Variants in PRKG1 observed in about 807,000 individuals in gnomAD.
PRKG1 encodes protein kinase cGMP-dependent 1, also known as cGMP-dependent protein kinase 1.
A neutral mutation model predicts 88.1 loss-of-function variants in PRKG1; 35 were observed. The observed-to-expected ratio is 0.40, with a 90% CI of 0.30 to 0.53. PRKG1 has a LOEUF of 0.53. Ranked by LOEUF, PRKG1 falls within the 20% of genes least tolerant of loss-of-function variation. The probability of loss-of-function intolerance (pLI) is 0.59; values close to 1 mark genes in which losing one functional copy is unlikely to be tolerated. For missense variants in PRKG1, 540 were observed against 839.8 expected (o/e 0.64, Z 4.41); for synonymous variants, 303 against 292.5 (o/e 1.04, Z -0.37).
intron 5 of PRKG1, among the ~76,000 whole-genome samples, chr10:51,919,260 G>A (rs1842410702): frequency 6.6e-6 from 1 of 152,128 alleles, no homozygotes; most frequent in African/African-American, 2.4e-5. Context: ...TTTTAGTAAT[G>A]AGCATTCCTC....
At chr10:52,147,961 C>T (rs528709971) in intron 8 of PRKG1, among the ~76,000 whole-genome samples, 21 of 152,112 alleles carry the variant, frequency 1.4e-4, no homozygotes, top group African/African-American at 3.9e-4. Flanking sequence ...AATATGTATC[C>T]GGAGAGTTCA....
intron 1 of PRKG1, among the ~76,000 whole-genome samples, chr10:51,137,228 C>A (rs1466695081): frequency 6.6e-6 from 1 of 151,964 alleles, no homozygotes; most frequent in Non-Finnish European, 1.5e-5. Context: ...AAAACTATGG[C>A]CGTGGGGGCA....
At chr10:50,996,038 G>A (rs1842833631) in intron 1 of PRKG1, among the ~76,000 whole-genome samples, 1 of 152,154 alleles carries the variant, frequency 6.6e-6, no homozygotes, top group African/African-American at 2.4e-5. Context: ...GAAGTGAGTA[G>A]GTCTTAGCTG....
intron 5 of PRKG1, among the ~76,000 whole-genome samples, chr10:52,028,205 T>C (rs1845391644): frequency 6.6e-6 from 1 of 152,172 alleles, no homozygotes; most frequent in East Asian, 1.9e-4. Context: ...TCGAACAGAC[T>C]ATAGTTTAAG....
At chr10:51,914,241 T>A (rs1187966663) in intron 5 of PRKG1, among the ~76,000 whole-genome samples, 1 of 151,892 alleles carries the variant, frequency 6.6e-6, no homozygotes, top group Non-Finnish European at 1.5e-5. Context: ...AAAGTATTTA[T>A]CTAAATGTTG....
chr10:51,482,446 T>A (rs755720664), intron 3 of PRKG1, among the ~76,000 whole-genome samples: 1 of 152,148 alleles, frequency 6.6e-6, no homozygotes, highest in East Asian at 1.9e-4. Flanking sequence ...CCTAAGTGAA[T>A]AGTGTTTTGT....
intron 9 of PRKG1, among the ~76,000 whole-genome samples, chr10:52,229,301 C>T (rs1468698692): frequency 6.6e-6 from 1 of 152,180 alleles, no homozygotes; most frequent in Non-Finnish European, 1.5e-5. Flanking sequence ...TAGCTTTCCC[C>T]TTCTGAAAGG....
intron 3 of PRKG1, among the ~76,000 whole-genome samples, chr10:51,791,784 C>A (rs1025924281): frequency 6.6e-5 from 10 of 152,026 alleles, no homozygotes; most frequent in African/African-American, 2.4e-4. Flanking sequence ...TCTTCATAGA[C>A]AAAGTGGCTT....
intron 3 of PRKG1, among the ~76,000 whole-genome samples, chr10:51,767,444 A>C (rs1838193302): frequency 6.6e-6 from 1 of 152,166 alleles, no homozygotes. Context: ...GATGACTGGA[A>C]ATTTATAAAT....
chr10:52,049,667 T>C (rs1422527926), intron 5 of PRKG1, among the ~76,000 whole-genome samples: 3 of 151,818 alleles, frequency 2.0e-5, no homozygotes, highest in South Asian at 2.1e-4. Flanking sequence ...GATTTTGTCT[T>C]GAACAAGGGA....
chr10:52,005,137 C>T (rs1844698381), intron 5 of PRKG1, among the ~76,000 whole-genome samples: 1 of 151,898 alleles, frequency 6.6e-6, no homozygotes, highest in South Asian at 2.1e-4. Flanking sequence ...CTGAAGCTTG[C>T]CTTTTCTTTT....
intron 2 of PRKG1, among the ~76,000 whole-genome samples, chr10:51,335,477 T>C (rs1841852460): frequency 6.6e-6 from 1 of 152,204 alleles, no homozygotes; most frequent in African/African-American, 2.4e-5. Context: ...CTAGTCATTA[T>C]CTTCTTCTAT....
chr10:52,121,819 C>T (rs1211137015), intron 7 of PRKG1, among the ~76,000 whole-genome samples: 1 of 152,200 alleles, frequency 6.6e-6, no homozygotes, highest in East Asian at 1.9e-4. Flanking sequence ...CAGCTCCTGT[C>T]TTCTGAGCCC....
At chr10:51,338,595 C>G (rs546270072) in intron 2 of PRKG1, among the ~76,000 whole-genome samples, 1 of 152,194 alleles carries the variant, frequency 6.6e-6, no homozygotes, top group South Asian at 2.1e-4. Flanking sequence ...GGAAGCATCT[C>G]CCTGGATTGT....
intron 3 of PRKG1, chr10:51,696,199 G>T (rs1841287390): frequency 6.6e-6 from 1 of 152,180 alleles, no homozygotes; most frequent in Non-Finnish European, 1.5e-5. Context: ...CTGGTAAGAT[G>T]ATTAATGATA....
chr10:52,265,848 A>G (rs1194275236), intron 10 of PRKG1, among the ~76,000 whole-genome samples: 2 of 152,098 alleles, frequency 1.3e-5, no homozygotes, highest in African/African-American at 4.8e-5. Context: ...ATTCATTCAA[A>G]TGTCAATATA....
intron 3 of PRKG1, among the ~76,000 whole-genome samples, chr10:51,772,572 G>T (rs1838331059): frequency 6.6e-6 from 1 of 151,840 alleles, no homozygotes; most frequent in South Asian, 2.1e-4. Context: ...ATTAGCCATG[G>T]TTATTTCCTG....
At chr10:52,264,974 T>G (rs1251845355) in intron 10 of PRKG1, among the ~76,000 whole-genome samples, 2 of 152,138 alleles carry the variant, frequency 1.3e-5, no homozygotes, top group East Asian at 3.9e-4. Context: ...TATTTCCCCT[T>G]TTCCTTCTTC....
chr10:51,720,492 C>T (rs145834685), intron 3 of PRKG1, among the ~76,000 whole-genome samples: 4 of 152,340 alleles, frequency 2.6e-5, no homozygotes, highest in African/African-American at 4.8e-5. Flanking sequence ...GTCATCACCA[C>T]AGTAACTCTC....
Sources: gnomAD v4.1 joint callset for allele counts (sites outside exome capture counted in the v4.1 genomes callset) on GRCh38, gnomAD v4.1.1 for gene constraint, MANE v1.5 for transcripts, NCBI Gene and HGNC (gene_info 2026-07-23, HGNC 2026-07-21) for gene names.